Variants in ZNF704 observed in about 807,000 individuals in gnomAD.
The protein encoded by ZNF704 is glucocorticoid induced gene 1.
In ZNF704, 10 loss-of-function variants were observed where a neutral mutation model predicts 44.7. The ratio of observed to expected loss-of-function variants is 0.22; its 90% CI spans 0.14 to 0.38. ZNF704 has a LOEUF of 0.38. ZNF704 is among the 10% of genes least tolerant of loss of function. The pLI, the probability that ZNF704 is intolerant of heterozygous loss-of-function variation, is 1.00. For synonymous variants in ZNF704, 211 were observed against 207.6 expected, an observed-to-expected ratio of 1.02 and a Z score of -0.14; for missense variants, 390 against 545.5, an observed-to-expected ratio of 0.71 and a Z score of 2.84.
rs1817574980 is a variant in ZNF704 at position 80,631,009 on chromosome 8, TTTTC to T, written c.*10353_*10356del. The T allele has an allele frequency of 6.6e-6, 1 of 152,166 alleles. No individual in the cohort carries two copies. The highest frequency in any genetic ancestry group is 2.1e-4 in the South Asian group (1 of 4,830). The allele number at this position is 152,166 out of a possible 1,614,324, so 9.4% of individuals were successfully genotyped here. On this transcript the variant is annotated 3_prime_UTR_variant, in exon 9 of 9. Transcript: ENST00000327835. ...TAGTTCTTCCCTAAAAAGCTAAGTC[TTTTC>T]TAAAGCTTTCTACCAATGACCAAGG...
In ZNF704 at chr8:80,692,919, G is replaced by C; in HGVS notation, c.325+85C>G. On this transcript the variant is annotated intron_variant, in intron 3 of 8. Coordinates refer to ENST00000327835, the MANE Select transcript of ZNF704 (RefSeq NM_001033723.3). ...TGGGTGAGGGTCAGTGGTTCATAGC[G>C]CTTGACAGGAATGAGACATCTCAAA... 2.4e-6 allele frequency: 3 copies of C among 1,233,250 alleles called. No homozygotes were observed. In the South Asian group the frequency reaches 3.8e-5, roughly 16 times the overall value. The allele number at this position is 1,233,250 out of a possible 1,614,324, so 76.4% of individuals were successfully genotyped here.
intron 7 of ZNF704, among the ~76,000 whole-genome samples, chr8:80,648,939 T>C (rs1249293602): frequency 6.6e-6 from 1 of 152,160 alleles, no homozygotes; most frequent in Non-Finnish European, 1.5e-5. Context: ...TGCCATATCG[T>C]TGATGTAAAT....
intron 2 of ZNF704, among the ~76,000 whole-genome samples, chr8:80,820,632 A>G (rs948938894): frequency 3.3e-5 from 5 of 152,074 alleles, no homozygotes; most frequent in African/African-American, 1.2e-4. Flanking sequence ...AGGCACAGTA[A>G]CTCATGCCTG....
At chr8:80,811,869 G>A (rs1347898600) in intron 2 of ZNF704, among the ~76,000 whole-genome samples, 2 of 152,208 alleles carry the variant, frequency 1.3e-5, no homozygotes, top group African/African-American at 2.4e-5. Flanking sequence ...ATTACCACCT[G>A]AGTTCTGCCT....
At chr8:80,807,679 ATATT>A (rs1239807844) in intron 2 of ZNF704, among the ~76,000 whole-genome samples, 2 of 152,050 alleles carry the variant, frequency 1.3e-5, no homozygotes, top group African/African-American at 4.8e-5. Context: ...GTAAATGTAT[ATATT>A]TATATTCATA....
chr8:80,877,453 A>G (rs1563586806), upstream of ZNF704, among the ~76,000 whole-genome samples: 1 of 152,230 alleles, frequency 6.6e-6, no homozygotes, highest in Non-Finnish European at 1.5e-5. Context: ...ATGACACACT[A>G]CATGCATGAC....
intron 3 of ZNF704, among the ~76,000 whole-genome samples, chr8:80,689,663 A>T (rs954494516): frequency 6.6e-6 from 1 of 152,222 alleles, no homozygotes; most frequent in Non-Finnish European, 1.5e-5. Context: ...CTAGATGTAT[A>T]ATCATGTTAA....
intron 2 of ZNF704, among the ~76,000 whole-genome samples, chr8:80,765,312 C>G (rs910716598): frequency 6.6e-6 from 1 of 152,140 alleles, no homozygotes; most frequent in Non-Finnish European, 1.5e-5. Context: ...AGATCCTCCC[C>G]ACCTGGTCCA....
chr8:80,822,543 A>C (rs1359353688), intron 1 of ZNF704, among the ~76,000 whole-genome samples: 1 of 152,262 alleles, frequency 6.6e-6, no homozygotes, highest in East Asian at 1.9e-4. Flanking sequence ...ATGATTTATA[A>C]TCCTTTGGGT....
chr8:80,872,122 C>T (rs1302982620), intron 1 of ZNF704, among the ~76,000 whole-genome samples: 1 of 152,198 alleles, frequency 6.6e-6, no homozygotes, highest in Non-Finnish European at 1.5e-5. Context: ...GCTAAGGAGT[C>T]ACTACTCTTG....
At chr8:80,643,312 G>A (rs987266988) in intron 7 of ZNF704, among the ~76,000 whole-genome samples, 183 bp from the exon 8 acceptor site, 2 of 152,008 alleles carry the variant, frequency 1.3e-5, no homozygotes, top group Admixed American at 6.5e-5. Flanking sequence ...TTGTGGTCAG[G>A]AGTTCAATCA....
chr8:80,758,803 T>C (rs1807080666), intron 2 of ZNF704, among the ~76,000 whole-genome samples: 1 of 152,224 alleles, frequency 6.6e-6, no homozygotes, highest in Non-Finnish European at 1.5e-5. Context: ...ACAGTTTAAT[T>C]GGCAGCATTA....
intron 2 of ZNF704, among the ~76,000 whole-genome samples, chr8:80,747,384 G>A (rs964339236): frequency 3.3e-5 from 5 of 151,970 alleles, no homozygotes; most frequent in Admixed American, 6.6e-5. Flanking sequence ...GAACTACAAA[G>A]CAGTACAGGA....
Position 80,640,078 on chromosome 8 carries a change from A to G in ZNF704, c.*1288T>C, listed in dbSNP as rs184137019. ...TGCAAGCCCTGGCCCTACTAAACTGAGAAATTCCTATACCTACATGCATTT... is the reference window on the plus strand; with the variant it reads ...TGCAAGCCCTGGCCCTACTAAACTGGGAAATTCCTATACCTACATGCATTT... On this transcript the variant is annotated 3_prime_UTR_variant, in exon 9 of 9. Transcript: ENST00000327835. 48 of 152,774 alleles carry G rather than the reference A, an allele frequency of 3.1e-4. No homozygotes were observed. The highest frequency in any genetic ancestry group is 1.0e-3 in the Admixed American group (16 of 15,304). 9.5% of individuals were successfully genotyped at this position (152,774 alleles called of 1,614,324 possible). A position where few individuals can be genotyped will look rare whatever the true frequency, so the allele number is the denominator to read the frequency against.
At chr8:80,667,344 T>C (rs1293116335) in intron 5 of ZNF704, among the ~76,000 whole-genome samples, 1 of 152,060 alleles carries the variant, frequency 6.6e-6, no homozygotes, top group Non-Finnish European at 1.5e-5. Flanking sequence ...GTCTGGGAAA[T>C]AGAGGACAGG....
chr8:80,878,446 T>C (rs1809388066), upstream of ZNF704, among the ~76,000 whole-genome samples: 2 of 152,140 alleles, frequency 1.3e-5, no homozygotes, highest in South Asian at 4.1e-4. Context: ...TACCCACTGG[T>C]GGTAGTTCTT....
rs1249778094 is a variant in ZNF704, at chr8:80,638,695, C to G, written c.*2671G>C. The stretch of plus-strand genomic sequence containing the variant: ...ATCCCTTTTCTTCAAGACCAGCCAC[C>G]TGTGGCTTGGTGGTCTACTAGTTAT... On this transcript the variant is annotated 3_prime_UTR_variant, in exon 9 of 9. Coordinates refer to ENST00000327835, the MANE Select transcript of ZNF704 (RefSeq NM_001033723.3). 5 of 152,260 alleles carry G rather than the reference C, an allele frequency of 3.3e-5. No homozygotes were observed. The highest frequency in any genetic ancestry group is 7.3e-5 in the Non-Finnish European group (5 of 68,048). 9.4% of individuals were successfully genotyped at this position (152,260 alleles called of 1,614,324 possible). A position where few individuals can be genotyped will look rare whatever the true frequency, so the allele number is the denominator to read the frequency against.
rs1817700484 is a variant in ZNF704, at chr8:80,638,908, T to C, written c.*2458A>G. 6.6e-6 allele frequency: 1 copy of C among 152,274 alleles called. No homozygotes were observed. Among genetic ancestry groups the C allele is most frequent in the South Asian group, 2.1e-4 (1 of 4,838 alleles). 9.4% of individuals were successfully genotyped at this position (152,274 alleles called of 1,614,324 possible). ...AAAGGAGAAGAGATCCCAGGGAAGC[T>C]ACATTCAGCTCTGTAGTTCTGCTTA... On this transcript the variant is annotated 3_prime_UTR_variant, in exon 9 of 9. Coordinates refer to ENST00000327835, the MANE Select transcript of ZNF704 (RefSeq NM_001033723.3).
At chr8:80,710,737 G>A (rs1818972732) in intron 2 of ZNF704, among the ~76,000 whole-genome samples, 1 of 152,166 alleles carries the variant, frequency 6.6e-6, no homozygotes, top group African/African-American at 2.4e-5. Flanking sequence ...GAATCTGCCA[G>A]GACCTTGATC....
Sources: gnomAD v4.1 joint callset for allele counts (sites outside exome capture counted in the v4.1 genomes callset) on GRCh38, gnomAD v4.1.1 for gene constraint, MANE v1.5 for transcripts, NCBI Gene and HGNC (gene_info 2026-07-23, HGNC 2026-07-21) for gene names.